KIF6: variants seen among roughly 807,000 people sequenced by gnomAD.
KIF6 encodes the protein kinesin family member 6, also known as kinesin-like protein KIF6.
KIF6 carries 106 observed loss-of-function variants against 112.7 expected under a neutral mutation model. The observed-to-expected ratio is 0.94, with a 90% CI of 0.80 to 1.11. The LOEUF (loss-of-function observed/expected upper bound fraction) is 1.11, where lower values mean the gene tolerates loss of function less well. Ranked by LOEUF, KIF6 falls within the 50% of genes least tolerant of loss-of-function variation. The probability of loss-of-function intolerance (pLI) is 0.00; values close to 1 mark genes in which losing one functional copy is unlikely to be tolerated. For synonymous variants in KIF6, 339 were observed against 339.9 expected, an observed-to-expected ratio of 1.00 and a Z score of 0.03; for missense variants, 929 against 964.0, an observed-to-expected ratio of 0.96 and a Z score of 0.48.
chr6:39,567,190 G>T (rs1257314866), intron 10 of KIF6, among the ~76,000 whole-genome samples: 1 of 152,136 alleles, frequency 6.6e-6, no homozygotes, highest in East Asian at 1.9e-4. Context: ...CACTGATGGG[G>T]TGCTTGTGGG....
chr6:39,556,747 G>A (rs888759512), intron 10 of KIF6, among the ~76,000 whole-genome samples: 6 of 152,082 alleles, frequency 3.9e-5, no homozygotes, highest in Non-Finnish European at 8.8e-5. Context: ...AAGTTTATTG[G>A]GAAATTTGGG....
intron 13 of KIF6, among the ~76,000 whole-genome samples, chr6:39,481,257 T>C (rs1325989795): frequency 2.6e-5 from 4 of 152,180 alleles, no homozygotes; most frequent in Non-Finnish European, 4.4e-5. Context: ...GGGAGGTGTG[T>C]AGAGTGTCAG....
intron 13 of KIF6, among the ~76,000 whole-genome samples, chr6:39,480,503 T>C (rs1774730184): frequency 6.6e-6 from 1 of 152,164 alleles, no homozygotes; most frequent in Admixed American, 6.6e-5. Flanking sequence ...GGAATATTGG[T>C]CTGAAGTTTT....
At chr6:39,529,927 C>T (rs1236712059) in intron 13 of KIF6, among the ~76,000 whole-genome samples, 1 of 152,234 alleles carries the variant, frequency 6.6e-6, no homozygotes, top group Non-Finnish European at 1.5e-5. Flanking sequence ...ACTTTCATGT[C>T]ACCTGCTCTG....
chr6:39,352,809 G>A (rs1448253384), intron 19 of KIF6, among the ~76,000 whole-genome samples: 1 of 152,082 alleles, frequency 6.6e-6, no homozygotes, highest in East Asian at 1.9e-4. Flanking sequence ...TCACCATGTT[G>A]GCCAGGCTGC....
In KIF6 at chr6:39,567,052, A is replaced by G. The variant is rs529141386; in HGVS notation, c.1181+11004T>C. ...GTGTGCATGCATGAGTGTATGTTCT[A>G]AAGAGGGTCATTAAAACATGATTTG... On this transcript the variant is annotated intron_variant, in intron 10 of 22. Transcript: ENST00000287152. Among the ~76,000 whole-genome samples, 11 of 152,300 alleles carry G rather than the reference A, an allele frequency of 7.2e-5. No individual in the cohort carries two copies. The East Asian group carries it at 1.9e-3, about 27-fold the overall frequency.
chr6:39,369,910 T>C (rs1765839397), intron 16 of KIF6, among the ~76,000 whole-genome samples: 1 of 152,182 alleles, frequency 6.6e-6, no homozygotes, highest in Admixed American at 6.5e-5. Context: ...ATTTCTCTTA[T>C]CACCACCACT....
chr6:39,338,150 T>A (rs1157559031), intron 22 of KIF6, among the ~76,000 whole-genome samples: 1 of 152,210 alleles, frequency 6.6e-6, no homozygotes, highest in African/African-American at 2.4e-5. Context: ...GATTCTTGGA[T>A]GAAGTAATAA....
chr6:39,427,318 G>A (rs1450644446), intron 14 of KIF6, among the ~76,000 whole-genome samples: 1 of 152,194 alleles, frequency 6.6e-6, no homozygotes, highest in Admixed American at 6.5e-5. Context: ...GCATGGAAGT[G>A]ACCCTATGAG....
chr6:39,447,481 C>T lies in KIF6; in HGVS notation c.1646-16320G>A, dbSNP rs543746454. 4.0e-5 allele frequency among the ~76,000 whole-genome samples: 6 copies of T among 151,812 alleles called. No homozygotes were observed. In the East Asian group the frequency reaches 5.8e-4, roughly 15 times the overall value. On this transcript the variant is annotated intron_variant, in intron 13 of 22. Transcript: ENST00000287152. ...TCATATTTTAAAATGTATGCTGAATCGGTTATAGTTAAATGTAGCTATATT... is the reference window on the plus strand; with the variant it reads ...TCATATTTTAAAATGTATGCTGAATTGGTTATAGTTAAATGTAGCTATATT...
chr6:39,648,223 C>G (rs34725126), intron 3 of KIF6, among the ~76,000 whole-genome samples: 11,535 of 61,578 alleles, frequency 0.19, 904 homozygotes, highest in African/African-American at 0.4. Context: ...GGGGGGCGGG[C>G]GGGGGGGGGT....
chr6:39,420,798 GT>G (rs953959823), intron 14 of KIF6, among the ~76,000 whole-genome samples: 97 of 151,070 alleles, frequency 6.4e-4, no homozygotes, highest in Non-Finnish European at 1.1e-3. Flanking sequence ...GTGCCCCGAT[GT>G]TTTTTTTTCA....
At chr6:39,409,590 C>G (rs1341173859) in intron 15 of KIF6, among the ~76,000 whole-genome samples, 1 of 152,202 alleles carries the variant, frequency 6.6e-6, no homozygotes, top group African/African-American at 2.4e-5. Context: ...TGCTGTAGGG[C>G]TGCACATGCA....
At chr6:39,625,718 T>C (rs550003590) in intron 5 of KIF6, among the ~76,000 whole-genome samples, 1 of 152,230 alleles carries the variant, frequency 6.6e-6, no homozygotes, top group East Asian at 1.9e-4. Flanking sequence ...GCATGCCTCA[T>C]CTAAAAGCAC....
intron 3 of KIF6, among the ~76,000 whole-genome samples, chr6:39,684,097 C>A (rs1022963261): frequency 6.6e-6 from 1 of 152,184 alleles, no homozygotes; most frequent in African/African-American, 2.4e-5. Context: ...CCACTGTGTT[C>A]AATCTAGGGG....
chr6:39,438,893 G>A (rs1771735355), intron 13 of KIF6, among the ~76,000 whole-genome samples: 1 of 152,108 alleles, frequency 6.6e-6, no homozygotes, highest in Non-Finnish European at 1.5e-5. Flanking sequence ...ATACTGCATT[G>A]TTACTGTACT....
chr6:39,399,264 C>T (rs1041342795), intron 15 of KIF6, among the ~76,000 whole-genome samples: 2 of 152,220 alleles, frequency 1.3e-5, no homozygotes, highest in Admixed American at 6.5e-5. Context: ...CCTGCTGTAG[C>T]TCTTTGGGAA....
intron 13 of KIF6, among the ~76,000 whole-genome samples, chr6:39,481,451 C>T (rs958286905): frequency 6.6e-6 from 1 of 152,124 alleles, no homozygotes; most frequent in African/African-American, 2.4e-5. Context: ...CACATCTCTG[C>T]CTTATTTTCT....
At chr6:39,609,634 T>C (rs1783101547) in intron 6 of KIF6, among the ~76,000 whole-genome samples, 1 of 152,100 alleles carries the variant, frequency 6.6e-6, no homozygotes, top group South Asian at 2.1e-4. Context: ...AACGAAGATA[T>C]AAAAGTATTT....
Sources: allele counts gnomAD v4.1 joint callset (sites outside exome capture counted in the v4.1 genomes callset), GRCh38; gene constraint gnomAD v4.1.1; transcripts MANE v1.5; gene names NCBI Gene and HGNC (gene_info 2026-07-23, HGNC 2026-07-21).